The following FBXW11 variants were observed in gnomAD, a reference collection of about 807,000 sequenced individuals.
FBXW11 encodes F-box and WD repeat domain containing 11, also known as F-box/WD repeat-containing protein 11.
In FBXW11, 19 loss-of-function variants were observed where a neutral mutation model predicts 77.6. That is an observed-to-expected ratio of 0.24 (90% confidence interval 0.17 to 0.36). The LOEUF (loss-of-function observed/expected upper bound fraction) is 0.36. Ranked by LOEUF, FBXW11 falls within the 10% of genes least tolerant of loss-of-function variation. FBXW11 has a pLI of 1.00. For synonymous variants in FBXW11, 235 were observed against 249.4 expected (o/e 0.94, Z 0.54); for missense variants, 334 against 704.2 (o/e 0.47, Z 5.95).
intron 1 of FBXW11, among the ~76,000 whole-genome samples, chr5:171,982,891 C>T (rs1289009887): frequency 3.9e-5 from 6 of 152,090 alleles, no homozygotes; most frequent in Non-Finnish European, 8.8e-5. Context: ...GAAGGCATGC[C>T]GATGTCATGA....
chr5:171,923,957 G>T (rs1761746974), intron 2 of FBXW11, among the ~76,000 whole-genome samples: 1 of 107,410 alleles, frequency 9.3e-6, no homozygotes, highest in Non-Finnish European at 1.7e-5. Context: ...ACAGAGTCTT[G>T]CTCTGTTGCC....
At chr5:171,879,239 C>A (rs919768589) in intron 7 of FBXW11, among the ~76,000 whole-genome samples, 1 of 152,174 alleles carries the variant, frequency 6.6e-6, no homozygotes, top group Non-Finnish European at 1.5e-5. Context: ...TTCTTTCACA[C>A]AGTAATACAC....
intron 1 of FBXW11, among the ~76,000 whole-genome samples, chr5:171,971,198 CA>C (rs1320363655): frequency 1.3e-5 from 2 of 152,186 alleles, no homozygotes; most frequent in African/African-American, 2.4e-5. Flanking sequence ...GTCTTAACAG[CA>C]GATAGTTATG....
chr5:171,865,513 C>A (rs1393161189), intron 13 of FBXW11, among the ~76,000 whole-genome samples: 1 of 151,966 alleles, frequency 6.6e-6, no homozygotes, highest in Non-Finnish European at 1.5e-5. Context: ...ATAATTTGGA[C>A]AAATACATTA....
At chr5:171,896,305 T>C (rs552313729) in intron 6 of FBXW11, among the ~76,000 whole-genome samples, 2 of 152,292 alleles carry the variant, frequency 1.3e-5, no homozygotes, top group Admixed American at 1.3e-4. Flanking sequence ...ACTCTGAAGC[T>C]ATGTACAGGC....
At chr5:171,937,266 A>G (rs985427372) in intron 2 of FBXW11, among the ~76,000 whole-genome samples, 3 of 152,248 alleles carry the variant, frequency 2.0e-5, no homozygotes. Flanking sequence ...CAAAAAAAGA[A>G]AAGTGGGGAA....
chr5:171,958,699 CTGTAAAGTTAATAACCATTAGACCAT>C (rs1763743820), intron 1 of FBXW11, among the ~76,000 whole-genome samples: 1 of 152,164 alleles, frequency 6.6e-6, no homozygotes, highest in Non-Finnish European at 1.5e-5. Flanking sequence ...TTAGACCATA[CTGTAAAGTTAATAACCATTAGACCAT>C]ACTGTTCAAT....
chr5:171,867,695 A>G (rs1757497616), intron 13 of FBXW11: 1 of 152,230 alleles, frequency 6.6e-6, no homozygotes, highest in South Asian at 2.1e-4. Context: ...AATTCTGCAC[A>G]TGGACTTTCT....
At position 171,869,207 on chromosome 5, in the gene FBXW11, TAA is replaced by T. The variant is rs776879856; in HGVS notation, c.1531-413_1531-412del. Among the ~76,000 whole-genome samples, 4 of 152,176 alleles carry T rather than the reference TAA, an allele frequency of 2.6e-5. No individual in the cohort carries two copies. Among genetic ancestry groups the T allele is most frequent in the Admixed American group, 6.5e-5 (1 of 15,270 alleles). On this transcript the variant is annotated intron_variant, in intron 12 of 13. Transcript: ENST00000517395. This position sits in a 1 kb window ranked among gnomAD's most constrained non-coding sequence, Gnocchi z 4.1. ...CAAAATTCATGGTGAAATAATAATATAAGAGTTCCCATTAAAATCAAGAAGAC... is the reference window on the plus strand; with the variant it reads ...CAAAATTCATGGTGAAATAATAATATGAGTTCCCATTAAAATCAAGAAGAC...
rs1177157564 is a variant in FBXW11, at chr5:171,870,741, G to A, written c.1451+7C>T. On this transcript the variant is annotated splice_region_variant and intron_variant, in intron 11 of 13. Coordinates refer to ENST00000517395, the MANE Select transcript of FBXW11 (RefSeq NM_001378974.1). ...TAGCAGTACATCTGAAAATCTGAAAGACATACCCATCATAGGCCCCACTGA... is the reference window on the plus strand; with the variant it reads ...TAGCAGTACATCTGAAAATCTGAAAAACATACCCATCATAGGCCCCACTGA... The A allele has an allele frequency of 1.3e-6, 2 of 1,597,932 alleles. No homozygotes were observed. Among genetic ancestry groups the A allele is most frequent in the Non-Finnish European group, 1.7e-6 (2 of 1,165,558 alleles).
rs1554099765 is a variant in FBXW11 at position 171,913,830 on chromosome 5, C to CACACACACAT, written c.210+512_210+513insATGTGTGTGT. Among the ~76,000 whole-genome samples the CACACACACAT allele has an allele frequency of 6.7e-3, 823 of 123,466 alleles. 21 individuals carry two copies. Among genetic ancestry groups the CACACACACAT allele is most frequent in the Admixed American group, 0.04 (479 of 11,892 alleles). The allele number at this position is 123,466 out of a possible 152,430, so 81.0% of individuals were successfully genotyped here. A position where few individuals can be genotyped will look rare whatever the true frequency, so the allele number is the denominator to read the frequency against. The stretch of plus-strand genomic sequence containing the variant: ...AACCACACACACATACACACACACA[C>CACACACACAT]ACACACACACACACACACACACACA... On this transcript the variant is annotated intron_variant, in intron 3 of 13. Coordinates refer to ENST00000517395, the MANE Select transcript of FBXW11 (RefSeq NM_001378974.1).
At chr5:171,973,190 A>G (rs1251664414) in intron 1 of FBXW11, among the ~76,000 whole-genome samples, 2 of 152,238 alleles carry the variant, frequency 1.3e-5, no homozygotes, top group Non-Finnish European at 2.9e-5. Context: ...GCTAAAATTT[A>G]TAAGAAATAC....
chr5:171,945,197 T>C (rs1561709080), intron 2 of FBXW11, among the ~76,000 whole-genome samples: 1 of 152,228 alleles, frequency 6.6e-6, no homozygotes, highest in Non-Finnish European at 1.5e-5. Context: ...CTATTTTCAA[T>C]TGGGTGGTCA....
Position 172,004,250 on chromosome 5 carries a change from T to C in FBXW11, c.45+2208A>G, listed in dbSNP as rs1372462411. Among the ~76,000 whole-genome samples the C allele has an allele frequency of 2.0e-5, 3 of 152,244 alleles. No homozygotes were observed. In the East Asian group the frequency reaches 5.8e-4, roughly 29 times the overall value. On this transcript the variant is annotated intron_variant, in intron 1 of 13. Coordinates refer to ENST00000517395, the MANE Select transcript of FBXW11 (RefSeq NM_001378974.1). ...ATAAATACACATATTTAATTTATGA[T>C]AAGGGTTGTCTAAGAGTCTTAACTG...
intron 1 of FBXW11, among the ~76,000 whole-genome samples, chr5:171,972,501 A>AT (rs1318759364): frequency 6.5e-5 from 6 of 91,866 alleles, no homozygotes; most frequent in African/African-American, 1.8e-4. Context: ...ACTCTGTCTC[A>AT]TAAAAAAAAA....
chr5:171,986,278 T>C (rs1178702264), intron 1 of FBXW11, among the ~76,000 whole-genome samples: 1 of 151,616 alleles, frequency 6.6e-6, no homozygotes, highest in Non-Finnish European at 1.5e-5. Flanking sequence ...CATGGTGGTA[T>C]GCACCTGTAG....
intron 13 of FBXW11, among the ~76,000 whole-genome samples, chr5:171,866,209 G>C (rs936381505): frequency 2.6e-5 from 4 of 151,244 alleles, no homozygotes; most frequent in African/African-American, 9.7e-5. Context: ...AGGTTGCAGT[G>C]AGCCAAAATT....
intron 2 of FBXW11, among the ~76,000 whole-genome samples, chr5:171,953,672 T>A (rs1397490157): frequency 6.6e-6 from 1 of 152,084 alleles, no homozygotes; most frequent in African/African-American, 2.4e-5. Context: ...TTTCTCTACC[T>A]CATAAAAACC....
At chr5:171,969,631 C>G (rs1764411849) in intron 1 of FBXW11, among the ~76,000 whole-genome samples, 2 of 152,202 alleles carry the variant, frequency 1.3e-5, no homozygotes, top group Non-Finnish European at 2.9e-5. Context: ...GGCTAAATTC[C>G]TAAAGTATGA....
Sources: gnomAD v4.1 joint callset for allele counts (sites outside exome capture counted in the v4.1 genomes callset) on GRCh38, gnomAD v4.1.1 for gene constraint, Gnocchi (gnomAD v3.1) non-coding constraint, MANE v1.5 for transcripts, NCBI Gene and HGNC (gene_info 2026-07-23, HGNC 2026-07-21) for gene names.